Variants in CSMD1 observed in about 807,000 individuals in gnomAD.
CSMD1 encodes the protein CUB and sushi domain-containing protein 1.
Under a neutral mutation model 417.5 loss-of-function variants are expected in CSMD1, and 213 were observed. The observed-to-expected ratio is 0.51, with a 90% CI of 0.46 to 0.57. CSMD1 has a LOEUF of 0.57. Ranked by LOEUF, CSMD1 falls within the 20% of genes least tolerant of loss-of-function variation. CSMD1 has a pLI of 0.00. For missense variants in CSMD1, 6,923 were observed against 4,529.7 expected (o/e 1.53, Z -15.17); for synonymous variants, 2,862 against 1,736.8 (o/e 1.65, Z -16.11).
At chr8:4,405,576 T>TAC (rs1804949590) in intron 3 of CSMD1, among the ~76,000 whole-genome samples, 1 of 152,190 alleles carries the variant, frequency 6.6e-6, no homozygotes, top group South Asian at 2.1e-4. Flanking sequence ...AAATACACTA[T>TAC]ACAAAACGTG....
At chr8:4,169,488 C>G (rs1026755647) in intron 3 of CSMD1, among the ~76,000 whole-genome samples, 1 of 152,154 alleles carries the variant, frequency 6.6e-6, no homozygotes, top group Non-Finnish European at 1.5e-5. Context: ...TTCTGACCAC[C>G]TCTACTGCGG....
At chr8:4,682,815 T>C (rs923915314) in intron 1 of CSMD1, among the ~76,000 whole-genome samples, 1 of 151,250 alleles carries the variant, frequency 6.6e-6, no homozygotes, top group Non-Finnish European at 1.5e-5. Flanking sequence ...GAATATGATT[T>C]CACATTAAAC....
At chr8:4,599,036 A>G (rs979000879) in intron 2 of CSMD1, among the ~76,000 whole-genome samples, 1 of 152,218 alleles carries the variant, frequency 6.6e-6, no homozygotes, top group Non-Finnish European at 1.5e-5. Context: ...TAAACTCTTT[A>G]CTTATTTCTA....
At chr8:4,350,909 G>T (rs112712374) in intron 3 of CSMD1, among the ~76,000 whole-genome samples, 12 of 152,142 alleles carry the variant, frequency 7.9e-5, no homozygotes, top group Admixed American at 5.2e-4. Flanking sequence ...AAGGTGGGCC[G>T]TGCTTACAGG....
chr8:3,161,934 A>G (rs1179087155), intron 38 of CSMD1, among the ~76,000 whole-genome samples: 2 of 152,232 alleles, frequency 1.3e-5, no homozygotes, highest in Admixed American at 1.3e-4. Context: ...TTGAAATAAA[A>G]CAATTGTGAA....
intron 1 of CSMD1, among the ~76,000 whole-genome samples, chr8:4,737,452 C>G (rs1467344995): frequency 6.6e-6 from 1 of 151,972 alleles, no homozygotes. Flanking sequence ...CAAAAATTTA[C>G]CTGTTTAACA....
intron 3 of CSMD1, among the ~76,000 whole-genome samples, chr8:4,229,039 C>G (rs78079738): frequency 1.3e-5 from 2 of 152,312 alleles, no homozygotes; most frequent in Non-Finnish European, 1.5e-5. Context: ...ACTGTCTTCT[C>G]AACCACCTGG....
At chr8:3,561,864 G>A (rs916891857) in intron 10 of CSMD1, among the ~76,000 whole-genome samples, 2 of 152,212 alleles carry the variant, frequency 1.3e-5, no homozygotes, top group South Asian at 2.1e-4. Context: ...CCTCCAGGAA[G>A]GCAGGGGCTA....
intron 1 of CSMD1, among the ~76,000 whole-genome samples, chr8:4,937,938 T>A (rs1807733186): frequency 6.6e-6 from 1 of 152,180 alleles, no homozygotes; most frequent in Non-Finnish European, 1.5e-5. Flanking sequence ...TTATCTAAAT[T>A]TTGTTTTTAT....
At chr8:3,205,766 A>G (rs953586624) in intron 30 of CSMD1, 146 bp from the exon 31 acceptor site, 7 of 484,506 alleles carry the variant, frequency 1.4e-5, no homozygotes, top group African/African-American at 1.4e-4. Flanking sequence ...TTGCATTGCT[A>G]TCAAAGTCAT....
chr8:4,541,866 A>T (rs932686023), intron 2 of CSMD1, among the ~76,000 whole-genome samples: 8 of 152,306 alleles, frequency 5.3e-5, no homozygotes, highest in African/African-American at 1.9e-4. Flanking sequence ...ATGAAATGCC[A>T]GGGAAGGGAT....
intron 10 of CSMD1, among the ~76,000 whole-genome samples, chr8:3,527,332 C>A (rs1340845365): frequency 2.6e-5 from 4 of 152,094 alleles, no homozygotes; most frequent in Non-Finnish European, 5.9e-5. Context: ...GGCACTCGTG[C>A]CCTTTCAAAA....
intron 28 of CSMD1, among the ~76,000 whole-genome samples, chr8:3,221,460 C>T (rs1219022690): frequency 5.3e-5 from 8 of 152,042 alleles, no homozygotes; most frequent in Admixed American, 5.2e-4. Flanking sequence ...GTCATATCCC[C>T]AATATTTGGC....
chr8:4,049,902 C>T (rs1405857679), intron 3 of CSMD1, among the ~76,000 whole-genome samples: 2 of 63,882 alleles, frequency 3.1e-5, no homozygotes, highest in Non-Finnish European at 5.6e-5. Context: ...CGTTCGCTTT[C>T]TGTTTCAGGA....
chr8:4,217,528 G>C (rs571448919), intron 3 of CSMD1, among the ~76,000 whole-genome samples: 1 of 152,264 alleles, frequency 6.6e-6, no homozygotes, highest in South Asian at 2.1e-4. Context: ...GAAGGTGGTG[G>C]TGGAAGTGTC....
intron 5 of CSMD1, among the ~76,000 whole-genome samples, chr8:3,865,992 T>G (rs1365069501): frequency 6.6e-6 from 1 of 152,188 alleles, no homozygotes; most frequent in African/African-American, 2.4e-5. Flanking sequence ...TTCACCATCA[T>G]CTGTAGTCAT....
At chr8:3,916,791 A>C (rs554029859) in intron 5 of CSMD1, among the ~76,000 whole-genome samples, 6 of 152,278 alleles carry the variant, frequency 3.9e-5, no homozygotes, top group South Asian at 4.1e-4. Flanking sequence ...CTCAATTTCA[A>C]AATAAGGCTG....
At chr8:3,236,980 C>G (rs1177938028) in intron 26 of CSMD1, among the ~76,000 whole-genome samples, 1 of 152,028 alleles carries the variant, frequency 6.6e-6, no homozygotes, top group Non-Finnish European at 1.5e-5. Flanking sequence ...TCTCTGCCAC[C>G]TGTCAGGCTG....
intron 6 of CSMD1, among the ~76,000 whole-genome samples, chr8:3,719,663 T>C (rs1457390704): frequency 2.0e-5 from 3 of 152,148 alleles, no homozygotes; most frequent in African/African-American, 7.2e-5. Context: ...CAGATGAGCT[T>C]GGGGAAGTCC....
Sources: gnomAD v4.1 joint callset for allele counts (sites outside exome capture counted in the v4.1 genomes callset) on GRCh38, gnomAD v4.1.1 for gene constraint, MANE v1.5 for transcripts, NCBI Gene and HGNC (gene_info 2026-07-23, HGNC 2026-07-21) for gene names.